Variants in CFAP61 observed in about 807,000 individuals in gnomAD.
CFAP61 encodes the protein cilia- and flagella-associated protein 61.
A neutral mutation model predicts 135.6 loss-of-function variants in CFAP61; 107 were observed. The ratio of observed to expected loss-of-function variants is 0.79; its 90% CI spans 0.67 to 0.93. The LOEUF (loss-of-function observed/expected upper bound fraction) is 0.93, where lower values mean the gene tolerates loss of function less well. Ranked by LOEUF, CFAP61 falls within the 40% of genes least tolerant of loss-of-function variation. The probability of loss-of-function intolerance (pLI) is 0.00; values close to 1 mark genes in which losing one functional copy is unlikely to be tolerated. For missense variants in CFAP61, 1,507 were observed against 1,556.2 expected (o/e 0.97, Z 0.53); for synonymous variants, 575 against 578.5 (o/e 0.99, Z 0.09).
chr20:20,198,703 A>G (rs187693123), intron 16 of CFAP61, among the ~76,000 whole-genome samples: 1 of 152,140 alleles, frequency 6.6e-6, no homozygotes, highest in South Asian at 2.1e-4. Flanking sequence ...AGGCATAAAA[A>G]CAGGGTGCTG....
intron 13 of CFAP61, among the ~76,000 whole-genome samples, chr20:20,177,519 G>A (rs1028433): frequency 0.33 from 30,753 of 91,992 alleles, 3,500 homozygotes; most frequent in African/African-American, 0.44. Context: ...GGAGGAGAGT[G>A]CTGGCTGATG....
intron 21 of CFAP61, among the ~76,000 whole-genome samples, chr20:20,274,500 A>C (rs528204754): frequency 1.3e-5 from 2 of 152,290 alleles, no homozygotes; most frequent in Admixed American, 6.5e-5. Flanking sequence ...GTCTCTACTA[A>C]AAATACAAAA....
At chr20:20,216,752 A>G (rs1325387445) in intron 17 of CFAP61, among the ~76,000 whole-genome samples, 2 of 152,112 alleles carry the variant, frequency 1.3e-5, no homozygotes, top group African/African-American at 4.8e-5. Flanking sequence ...TCAGGAATTG[A>G]TTCAAAGAAT....
chr20:20,129,619 T>TG (rs2050352714), intron 8 of CFAP61, among the ~76,000 whole-genome samples: 1 of 147,892 alleles, frequency 6.8e-6, no homozygotes, highest in South Asian at 2.1e-4. Context: ...TTTGGAAAGT[T>TG]TTTTTTTTTT....
intron 6 of CFAP61, among the ~76,000 whole-genome samples, chr20:20,088,544 G>A (rs2046963410): frequency 6.6e-6 from 1 of 151,958 alleles, no homozygotes; most frequent in African/African-American, 2.4e-5. Flanking sequence ...AATAGCATGG[G>A]GGCAGTCACC....
intron 2 of CFAP61, among the ~76,000 whole-genome samples, chr20:20,064,621 A>G (rs532027728): frequency 5.9e-5 from 9 of 152,314 alleles, no homozygotes; most frequent in Admixed American, 2.6e-4. Flanking sequence ...GCATGCAATT[A>G]TAAATTTATA....
intron 20 of CFAP61, among the ~76,000 whole-genome samples, chr20:20,261,826 C>T (rs879890897): frequency 6.6e-6 from 1 of 151,506 alleles, no homozygotes; most frequent in Non-Finnish European, 1.5e-5. Flanking sequence ...TCCAGTTTGC[C>T]ACAGTATCCT....
At chr20:20,269,479 C>G (rs2053170875) in intron 21 of CFAP61, among the ~76,000 whole-genome samples, 3 of 152,150 alleles carry the variant, frequency 2.0e-5, no homozygotes, top group South Asian at 4.2e-4. Context: ...TCAAGTGATT[C>G]TCCTGCCTCA....
At chr20:20,074,231 C>T in intron 3 of CFAP61, 71 bp from the exon 4 acceptor site, 10 of 1,291,372 alleles carry the variant, frequency 7.7e-6, no homozygotes, top group South Asian at 1.2e-5. Flanking sequence ...CCGAAACCCT[C>T]TTTCCACCCT....
chr20:20,317,537 C>T (rs188652108), intron 25 of CFAP61, among the ~76,000 whole-genome samples: 38 of 152,314 alleles, frequency 2.5e-4, no homozygotes, highest in African/African-American at 7.7e-4. Context: ...CTTCGCAAAC[C>T]TTAAGTTGTG....
intron 8 of CFAP61, among the ~76,000 whole-genome samples, chr20:20,102,159 C>T (rs1293420781): frequency 6.6e-6 from 1 of 152,216 alleles, no homozygotes. Context: ...GGAATAGACT[C>T]TGTTTCCCTA....
At chr20:20,097,735 C>G (rs901391608) in intron 7 of CFAP61, among the ~76,000 whole-genome samples, 1 of 152,240 alleles carries the variant, frequency 6.6e-6, no homozygotes, top group Non-Finnish European at 1.5e-5. Context: ...ATCAGACCCA[C>G]CTGGTGAACC....
chr20:20,059,879 T>C (rs2044668335), intron 2 of CFAP61, among the ~76,000 whole-genome samples: 1 of 151,976 alleles, frequency 6.6e-6, no homozygotes, highest in East Asian at 1.9e-4. Flanking sequence ...TAGAAGAAGA[T>C]AATAGGAAGC....
intron 18 of CFAP61, among the ~76,000 whole-genome samples, chr20:20,237,693 A>G (rs924930197): frequency 7.2e-5 from 11 of 152,288 alleles, no homozygotes; most frequent in African/African-American, 1.9e-4. Flanking sequence ...CCTTAATATC[A>G]TCTAATACCA....
At chr20:20,339,837 A>G (rs1158839392) in intron 25 of CFAP61, among the ~76,000 whole-genome samples, 1 of 152,218 alleles carries the variant, frequency 6.6e-6, no homozygotes, top group Admixed American at 6.5e-5. Flanking sequence ...ATCAAAAGGA[A>G]ACCATCTTCA....
intron 9 of CFAP61, among the ~76,000 whole-genome samples, chr20:20,149,358 G>C (rs531301155): frequency 1.3e-5 from 2 of 152,314 alleles, no homozygotes; most frequent in African/African-American, 4.8e-5. Flanking sequence ...AAACAGGGCT[G>C]ACATGCAGCT....
At chr20:20,324,356 G>A (rs2057668805) in intron 25 of CFAP61, among the ~76,000 whole-genome samples, 1 of 152,118 alleles carries the variant, frequency 6.6e-6, no homozygotes, top group Non-Finnish European at 1.5e-5. Context: ...TCTCAAATGG[G>A]ATTATACTGT....
At chr20:20,156,306 A>T (rs776658396) in intron 9 of CFAP61, among the ~76,000 whole-genome samples, 2 of 152,238 alleles carry the variant, frequency 1.3e-5, no homozygotes, top group Non-Finnish European at 2.9e-5. Flanking sequence ...AAAAAAAACC[A>T]TATGTTTATC....
chr20:20,096,797 A>C (rs1313034213), intron 7 of CFAP61, among the ~76,000 whole-genome samples: 1 of 152,264 alleles, frequency 6.6e-6, no homozygotes, highest in East Asian at 1.9e-4. Context: ...AGTGCAAACA[A>C]GACAAACAAT....
Sources: gnomAD v4.1 joint callset for allele counts (sites outside exome capture counted in the v4.1 genomes callset) on GRCh38, gnomAD v4.1.1 for gene constraint, MANE v1.5 for transcripts, NCBI Gene and HGNC (gene_info 2026-07-23, HGNC 2026-07-21) for gene names.